Variants in ATRNL1 observed in about 807,000 individuals in gnomAD.
The protein encoded by ATRNL1 is attractin like 1, also known as attractin-like protein 1.
Under a neutral mutation model 182.7 loss-of-function variants are expected in ATRNL1, and 95 were observed. The observed-to-expected ratio is 0.52, with a 90% CI of 0.44 to 0.62. ATRNL1 has a LOEUF of 0.62. Ranked by LOEUF, ATRNL1 falls within the 20% of genes least tolerant of loss-of-function variation. The pLI, the probability that ATRNL1 is intolerant of heterozygous loss-of-function variation, is 0.00. For missense variants in ATRNL1, 1,471 were observed against 1,679.5 expected, an observed-to-expected ratio of 0.88 and a Z score of 2.17; for synonymous variants, 576 against 568.3, an observed-to-expected ratio of 1.01 and a Z score of -0.19.
At chr10:115,760,651 A>G (rs1203739444) in intron 27 of ATRNL1, among the ~76,000 whole-genome samples, 2 of 152,196 alleles carry the variant, frequency 1.3e-5, no homozygotes, top group Non-Finnish European at 2.9e-5. Context: ...TATATAAAAA[A>G]CAATATTATT....
intron 28 of ATRNL1, among the ~76,000 whole-genome samples, chr10:115,862,237 A>G (rs1951333650): frequency 6.6e-6 from 1 of 152,246 alleles, no homozygotes. Flanking sequence ...TCTGTTACAT[A>G]TAAAAACAAG....
intron 27 of ATRNL1, among the ~76,000 whole-genome samples, chr10:115,806,281 A>G (rs1051128019): frequency 6.6e-6 from 1 of 152,232 alleles, no homozygotes; most frequent in Non-Finnish European, 1.5e-5. Context: ...TAGACAGACT[A>G]TTGAAGTTGA....
rs188495746 is a variant in ATRNL1 at position 115,624,913 on chromosome 10, G to T, written c.3795+75377G>T. The stretch of plus-strand genomic sequence containing the variant: ...GCAATATCTTTAGAATTTGTAACCA[G>T]AACTACTTTTTAATTCCCCTTAGAA... On this transcript the variant is annotated intron_variant, in intron 26 of 28. Transcript: ENST00000355044. 1.6e-4 allele frequency among the ~76,000 whole-genome samples: 24 copies of T among 152,222 alleles called. No homozygotes were observed. The East Asian group carries it at 4.4e-3, about 28-fold the overall frequency.
chr10:115,247,608 G>A (rs1423487894), intron 10 of ATRNL1, among the ~76,000 whole-genome samples: 2 of 152,146 alleles, frequency 1.3e-5, no homozygotes, highest in African/African-American at 2.4e-5. Flanking sequence ...ATGGAGAATA[G>A]TATGGAGGTT....
At chr10:115,510,674 G>A (rs1286196273) in intron 24 of ATRNL1, among the ~76,000 whole-genome samples, 1 of 151,958 alleles carries the variant, frequency 6.6e-6, no homozygotes, top group Non-Finnish European at 1.5e-5. Flanking sequence ...TAACTTTATT[G>A]CAGTAGTCTG....
intron 26 of ATRNL1, among the ~76,000 whole-genome samples, chr10:115,599,301 G>A (rs181607109): frequency 1.1e-4 from 16 of 152,210 alleles, no homozygotes; most frequent in Non-Finnish European, 2.4e-4. Context: ...AATATCTAAT[G>A]TGAATGGTTT....
chr10:115,132,022 C>T (rs1845262044), intron 5 of ATRNL1, among the ~76,000 whole-genome samples: 1 of 152,040 alleles, frequency 6.6e-6, no homozygotes, highest in East Asian at 1.9e-4. Context: ...TGTTGGGGTG[C>T]TGCACCCATT....
chr10:115,442,827 TTCTA>T (rs781927462), intron 21 of ATRNL1, among the ~76,000 whole-genome samples: 4 of 152,224 alleles, frequency 2.6e-5, no homozygotes, highest in South Asian at 2.1e-4. Context: ...GATTCCTCAC[TTCTA>T]TCTGTCTATA....
intron 8 of ATRNL1, among the ~76,000 whole-genome samples, chr10:115,181,252 T>C (rs1252149300): frequency 6.6e-6 from 1 of 151,730 alleles, no homozygotes; most frequent in Non-Finnish European, 1.5e-5. Context: ...CAGTTAAAAA[T>C]GGGAGAAGGG....
chr10:115,429,772 A>T (rs1296840633), intron 21 of ATRNL1, among the ~76,000 whole-genome samples: 3 of 152,094 alleles, frequency 2.0e-5, no homozygotes, highest in African/African-American at 7.2e-5. Flanking sequence ...TGCAGTTTTT[A>T]AAAATTATTT....
chr10:115,268,682 A>G (rs1851708837), intron 13 of ATRNL1, among the ~76,000 whole-genome samples: 1 of 152,196 alleles, frequency 6.6e-6, no homozygotes, highest in African/African-American at 2.4e-5. Flanking sequence ...CATGGATGAG[A>G]CTGGGAACAT....
intron 21 of ATRNL1, among the ~76,000 whole-genome samples, chr10:115,460,808 G>C (rs1847758851): frequency 6.6e-6 from 1 of 152,100 alleles, no homozygotes; most frequent in Non-Finnish European, 1.5e-5. Flanking sequence ...ATTCAGTAGA[G>C]TATTACTTGC....
intron 5 of ATRNL1, among the ~76,000 whole-genome samples, chr10:115,151,532 G>A (rs1308155685): frequency 3.9e-5 from 6 of 152,200 alleles, no homozygotes; most frequent in Admixed American, 3.9e-4. Context: ...TTTGAGAAGT[G>A]TCTGTTCATA....
At chr10:115,320,634 G>T (rs1424609427) in intron 18 of ATRNL1, among the ~76,000 whole-genome samples, 1 of 151,910 alleles carries the variant, frequency 6.6e-6, no homozygotes, top group Non-Finnish European at 1.5e-5. Context: ...CCTTATTTCA[G>T]CAAGGTGGTC....
At chr10:115,841,416 G>C (rs1453072621) in intron 27 of ATRNL1, among the ~76,000 whole-genome samples, 1 of 151,970 alleles carries the variant, frequency 6.6e-6, no homozygotes, top group Non-Finnish European at 1.5e-5. Context: ...TGTGTGTTTA[G>C]TTAGAAACTT....
chr10:115,637,772 G>A (rs1257051534), intron 26 of ATRNL1, among the ~76,000 whole-genome samples: 1 of 151,698 alleles, frequency 6.6e-6, no homozygotes, highest in African/African-American at 2.4e-5. Context: ...TTCCAGGCAT[G>A]CACCACCACA....
intron 26 of ATRNL1, among the ~76,000 whole-genome samples, chr10:115,579,011 C>T (rs1446613238): frequency 6.6e-6 from 1 of 150,704 alleles, no homozygotes; most frequent in Non-Finnish European, 1.5e-5. Context: ...GTGAACTTTC[C>T]CATTTTTCTA....
intron 8 of ATRNL1, among the ~76,000 whole-genome samples, chr10:115,191,832 A>T (rs1489234487): frequency 2.0e-5 from 3 of 152,018 alleles, no homozygotes; most frequent in African/African-American, 7.2e-5. Flanking sequence ...CCTTTCCTTT[A>T]TAAATTACTC....
intron 20 of ATRNL1, among the ~76,000 whole-genome samples, chr10:115,395,201 G>A (rs571053202): frequency 6.6e-6 from 1 of 152,076 alleles, no homozygotes; most frequent in African/African-American, 2.4e-5. Context: ...TTTTATGGCT[G>A]TGTAGTATTC....
Sources: allele counts gnomAD v4.1 joint callset (sites outside exome capture counted in the v4.1 genomes callset), GRCh38; gene constraint gnomAD v4.1.1; transcripts MANE v1.5; gene names NCBI Gene and HGNC (gene_info 2026-07-23, HGNC 2026-07-21).